Variants in BEGAIN observed in about 807,000 individuals in gnomAD.
BEGAIN encodes the protein brain enriched guanylate kinase associated.
A neutral mutation model predicts 35.8 loss-of-function variants in BEGAIN; 19 were observed. The ratio of observed to expected loss-of-function variants is 0.53; its 90% CI spans 0.37 to 0.78. The LOEUF (loss-of-function observed/expected upper bound fraction) is 0.78. Among genes scored for constraint, BEGAIN ranks in the 30% least tolerant of loss-of-function variants. BEGAIN has a pLI of 0.00. For missense variants in BEGAIN, 795 were observed against 853.6 expected (o/e 0.93, Z 0.85); for synonymous variants, 462 against 388.6 (o/e 1.19, Z -2.22).
intron 6 of BEGAIN, chr14:100,540,252 C>A (rs1412032735): frequency 1.7e-5 from 9 of 539,958 alleles, no homozygotes; most frequent in Non-Finnish European, 3.0e-5. Context: ...CCGAGGGCAA[C>A]CAGCAGCCGG....
Position 100,538,936 on chromosome 14 carries a change from T to G in BEGAIN, c.872A>C (p.Glu291Ala), listed in dbSNP as rs1382943553. ...STDSAAEEEE[E>A]AEAAAFPAGF... Reference sequence around the variant, plus strand: ...CGCCGGGAAGGCCGCCGCCTCGGCCTCCTCCTCCTCCTCGGCCGCGCTGTC... The same window carrying G: ...CGCCGGGAAGGCCGCCGCCTCGGCCGCCTCCTCCTCCTCGGCCGCGCTGTC... The change falls in exon 7 of 7, where the codon GAG becomes GCG. Residue 291 changes from glutamate to alanine, a missense_variant. This residue lies in a region of BEGAIN where 664 missense variants were observed against 647.7 expected (regional missense o/e 1.03). Transcript: ENST00000554140. 3.9e-6 allele frequency: 5 copies of G among 1,279,828 alleles called. No homozygotes were observed. The African/African-American group carries it at 4.8e-5, about 12-fold the overall frequency. The allele number at this position is 1,279,828 out of a possible 1,614,324, so 79.3% of individuals were successfully genotyped here. A position where few individuals can be genotyped will look rare whatever the true frequency, so the allele number is the denominator to read the frequency against.
intron 2 of BEGAIN, among the ~76,000 whole-genome samples, chr14:100,562,385 G>A (rs1390952844): frequency 1.3e-5 from 2 of 152,106 alleles, no homozygotes; most frequent in African/African-American, 2.4e-5. Flanking sequence ...GGGCCTGCCC[G>A]AAGCAGGTGT....
chr14:100,553,888 G>T (rs1364798472), intron 2 of BEGAIN, among the ~76,000 whole-genome samples: 3 of 152,222 alleles, frequency 2.0e-5, no homozygotes. Flanking sequence ...GATGCTCCCT[G>T]GCTCCCCACT....
Position 100,538,172 on chromosome 14 carries a change from G to A in BEGAIN, c.1636C>T (p.Gln546Ter). The A allele has an allele frequency of 6.5e-7, 1 of 1,531,608 alleles. No individual in the cohort carries two copies. The highest frequency in any genetic ancestry group is 8.7e-7 in the Non-Finnish European group (1 of 1,143,018). The allele number at this position is 1,531,608 out of a possible 1,614,324, so 94.9% of individuals were successfully genotyped here. ...EGGDGDRLGV[Q>*]LCGTASSPEP... ...GGGCTGCTGGCGGTCCCACACAGCTGCACCCCGAGCCTGTCCCCGTCCCCC... is the reference window on the plus strand; with the variant it reads ...GGGCTGCTGGCGGTCCCACACAGCTACACCCCGAGCCTGTCCCCGTCCCCC... The change falls in exon 7 of 7, where the codon CAG becomes TAG. Residue 546 changes from glutamine (Q) to a stop codon, truncating the protein, a stop_gained. Transcript: ENST00000554140. LOFTEE classifies it high-confidence loss of function.
rs528847235 is a variant in BEGAIN, at chr14:100,538,029, C to T, written c.1779G>A (p.Ser593=). The T allele has an allele frequency of 6.8e-6, 11 of 1,607,844 alleles. No homozygotes were observed. The South Asian group carries it at 8.8e-5, about 13-fold the overall frequency. ...TGAGGCTGTCCTTGCGGCTCAGCCC[C>T]GAGCCACCAGTCCGCGGAAAGGCCT... is the stretch of plus-strand genomic sequence containing the variant. ...PQQAFPRTGG[S]GLSRKDSLTK... is the part of the protein sequence containing the mutation. The change falls in exon 7 of 7, where the codon TCG becomes TCA. Residue 593 remains serine (S), a synonymous_variant. Coordinates refer to ENST00000554140, the MANE Select transcript of BEGAIN (RefSeq NM_001385089.1).
chr14:100,559,972 C>A (rs2034094598), intron 2 of BEGAIN, among the ~76,000 whole-genome samples: 1 of 152,210 alleles, frequency 6.6e-6, no homozygotes, highest in Non-Finnish European at 1.5e-5. Flanking sequence ...AAAGCCAGGC[C>A]CGGGGCTCCC....
Position 100,537,987 on chromosome 14 carries a change from G to A in BEGAIN, c.1821C>T (p.Tyr607=), listed in dbSNP as rs1000982276. 3 of 1,609,080 alleles carry A rather than the reference G, an allele frequency of 1.9e-6. No individual in the cohort carries two copies. The highest frequency in any genetic ancestry group is 1.9e-4 in the Middle Eastern group (1 of 5,304). ...CAGGCGCTCAGTTGAGCAAGGTTCC[G>A]TAGAGCTGGGCCTTGGTGAGGCTGT... ...RKDSLTKAQL[Y]GTLLN The change falls in exon 7 of 7, where the codon TAC becomes TAT. Residue 607 remains tyrosine, a synonymous_variant. Coordinates refer to ENST00000554140, the MANE Select transcript of BEGAIN (RefSeq NM_001385089.1).
intron 6 of BEGAIN, 47 bp downstream of exon 6, chr14:100,540,433 ACTGGCACAAAAGGAGC>A: frequency 7.9e-7 from 1 of 1,272,788 alleles, no homozygotes; most frequent in East Asian, 2.5e-5. Context: ...TTGGGGTAGC[ACTGGCACAAAAGGAGC>A]CCGGTGGTCC....
chr14:100,540,725 C>T, intron 5 of BEGAIN, 146 bp from the exon 6 acceptor site: 1 of 613,408 alleles, frequency 1.6e-6, no homozygotes, highest in Non-Finnish European at 2.9e-6. Flanking sequence ...CTGGCTCCGG[C>T]CCTCTCTGGC....
chr14:100,550,506 C>T, intron 2 of BEGAIN: 2 of 399,116 alleles, frequency 5.0e-6, no homozygotes, highest in Non-Finnish European at 8.8e-6. Flanking sequence ...AGGGGCTGCG[C>T]AGCCTGTGGG....
rs1346288554 is a variant in BEGAIN, at chr14:100,538,723, T to C, written c.1085A>G (p.Tyr362Cys). Residue 362 changes from tyrosine to cysteine, a missense_variant, in exon 7 of 7, where the codon TAC becomes TGC. Tyr to Cys is a radical substitution (Grantham distance 194). Around this residue, in one of 3 missense-constraint regions of BEGAIN, gnomAD observed 664 missense variants for 647.7 expected, o/e 1.03. Transcript: ENST00000554140. ...CTTGGCAAAGCGAGGGCTGCCCTCG[T>C]AGGTGGTGGCGGGTGGCTTGCGGTC... Reference protein sequence around the residue: ...LFDRKPPATTYEGSPRFAKAT... With the variant: ...LFDRKPPATTCEGSPRFAKAT... 8.9e-6 allele frequency: 14 copies of C among 1,567,840 alleles called. No individual in the cohort carries two copies. Among genetic ancestry groups the C allele is most frequent in the Admixed American group, 5.7e-5 (3 of 52,630 alleles).
At chr14:100,556,856 C>A (rs1196941410) in intron 2 of BEGAIN, among the ~76,000 whole-genome samples, 1 of 152,158 alleles carries the variant, frequency 6.6e-6, no homozygotes, top group Non-Finnish European at 1.5e-5. Flanking sequence ...TGGGGCAGAG[C>A]CGCCCGGGGC....
chr14:100,568,806 A>G lies in BEGAIN; in HGVS notation c.43-867T>C. 1 of 942,030 alleles carries G rather than the reference A, an allele frequency of 1.1e-6. No homozygotes were observed. Among genetic ancestry groups the G allele is most frequent in the Non-Finnish European group, 1.3e-6 (1 of 790,106 alleles). 58.4% of individuals were successfully genotyped at this position (942,030 alleles called of 1,614,324 possible). A position where few individuals can be genotyped will look rare whatever the true frequency, so the allele number is the denominator to read the frequency against. On this transcript the variant is annotated intron_variant, in intron 1 of 6. Transcript: ENST00000554140. This position sits in a 1 kb window ranked among gnomAD's most constrained non-coding sequence, Gnocchi z 7.5. ...CCGGGCGGGCTCTCTATCACCCGGG[A>G]GAGGCCGCTCCCCGGGGCTTTGCCC...
chr14:100,547,090 C>T (rs1210761073), intron 2 of BEGAIN: 2 of 155,712 alleles, frequency 1.3e-5, no homozygotes, highest in African/African-American at 4.8e-5. Context: ...GGCCCTCACT[C>T]CTGCTCCTCC....
chr14:100,546,773 C>G (rs1028699974), intron 2 of BEGAIN, 111 bp from the exon 3 acceptor site: 70 of 747,928 alleles, frequency 9.4e-5, no homozygotes, highest in Non-Finnish European at 1.2e-4. Flanking sequence ...GGCGCGCGCG[C>G]GCGCGCGCAC....
At chr14:100,576,303 C>A (rs868039126) in intron 1 of BEGAIN, among the ~76,000 whole-genome samples, 14 of 152,278 alleles carry the variant, frequency 9.2e-5, no homozygotes, top group African/African-American at 3.4e-4. Flanking sequence ...GGCAGAGGTG[C>A]AGAGGTGGAG....
intron 2 of BEGAIN, among the ~76,000 whole-genome samples, chr14:100,559,128 C>T (rs2034017463): frequency 6.6e-6 from 1 of 152,122 alleles, no homozygotes; most frequent in Admixed American, 6.5e-5. Context: ...TTGGGGCCGT[C>T]CCTCTGCTGG....
chr14:100,568,146 G>T lies in BEGAIN; in HGVS notation c.43-207C>A. 1.0e-6 allele frequency: 1 copy of T among 966,808 alleles called. No homozygotes were observed. The highest frequency in any genetic ancestry group is 4.7e-5 in the South Asian group (1 of 21,176). The allele number at this position is 966,808 out of a possible 1,614,324, so 59.9% of individuals were successfully genotyped here. ...GCCGGGCCGCGGCCGAGTAACAGGTGAGCCCGCCCGGGCCGCCGCGCTCCC... is the reference window on the plus strand; with the variant it reads ...GCCGGGCCGCGGCCGAGTAACAGGTTAGCCCGCCCGGGCCGCCGCGCTCCC... On this transcript the variant is annotated intron_variant, in intron 1 of 6. Transcript: ENST00000554140. The surrounding 1 kb of genome is among the most constrained non-coding windows in gnomAD (Gnocchi z 7.5).
At chr14:100,571,472 C>T (rs117263310) in intron 1 of BEGAIN, among the ~76,000 whole-genome samples, 3 of 152,322 alleles carry the variant, frequency 2.0e-5, no homozygotes, top group Non-Finnish European at 2.9e-5. Flanking sequence ...GCCTTGGGCC[C>T]GGTCACAGAA....
Sources: gnomAD v4.1 joint callset for allele counts (sites outside exome capture counted in the v4.1 genomes callset) on GRCh38, gnomAD v4.1.1 for gene constraint, gnomAD v4.1.1 regional missense constraint, Gnocchi (gnomAD v3.1) non-coding constraint, MANE v1.5 for transcripts, NCBI Gene and HGNC (gene_info 2026-07-23, HGNC 2026-07-21) for gene names.